ZNF532: variants seen among roughly 807,000 people sequenced by gnomAD.
ZNF532 encodes zinc finger protein 532.
ZNF532 carries 22 observed loss-of-function variants against 89.3 expected under a neutral mutation model. The ratio of observed to expected loss-of-function variants is 0.25; its 90% CI spans 0.18 to 0.35. The LOEUF is 0.35. Among genes scored for constraint, ZNF532 ranks in the 10% least tolerant of loss-of-function variants. The pLI is 1.00. For missense variants in ZNF532, 1,132 were observed against 1,643.4 expected (o/e 0.69, Z 5.38); for synonymous variants, 606 against 649.6 (o/e 0.93, Z 1.02).
At chr18:58,867,219 G>A (rs960260111) in intron 2 of ZNF532, among the ~76,000 whole-genome samples, 3 of 151,828 alleles carry the variant, frequency 2.0e-5, no homozygotes, top group Admixed American at 6.6e-5. Context: ...TATACAGTGC[G>A]AATATGTTTT....
chr18:58,934,359 G>A, intron 3 of ZNF532, 74 bp from the exon 4 acceptor site: 1 of 1,385,794 alleles, frequency 7.2e-7, no homozygotes, highest in Non-Finnish European at 1.0e-6. Context: ...TTATCTGGAG[G>A]TTTAACCAAG....
chr18:58,941,990 C>CCCTTCCTTCCTTCCTTCCTTCCTT (rs74175864), intron 5 of ZNF532, among the ~76,000 whole-genome samples: 1 of 125,658 alleles, frequency 8.0e-6, no homozygotes, highest in Non-Finnish European at 1.7e-5. Context: ...TTCCCTCCTT[C>CCCTTCCTTCCTTCCTTCCTTCCTT]CCTTCCTTCC....
At chr18:58,964,535 T>TTGTGTGTGTGTGTGTG (rs200298951) in intron 7 of ZNF532, among the ~76,000 whole-genome samples, 1 of 138,554 alleles carries the variant, frequency 7.2e-6, no homozygotes, top group African/African-American at 2.7e-5. Context: ...GATATTTTGT[T>TTGTGTGTGTGTGTGTG]TGTGTGTGTG....
intron 4 of ZNF532, among the ~76,000 whole-genome samples, chr18:58,938,299 T>C (rs994124461): frequency 6.6e-6 from 1 of 152,220 alleles, no homozygotes; most frequent in African/African-American, 2.4e-5. Context: ...TTAAATAGTT[T>C]TCAGGTGTGA....
chr18:58,984,219 G>A lies in ZNF532; in HGVS notation c.3659G>A (p.Arg1220Lys), dbSNP rs774476431. 2 of 1,611,882 alleles carry A rather than the reference G, an allele frequency of 1.2e-6. No individual in the cohort carries two copies. The highest frequency in any genetic ancestry group is 4.5e-5 in the East Asian group (2 of 44,862). Reference protein sequence around the residue: ...LCYTSHVSLSRHLFIVHKLKE... With the variant: ...LCYTSHVSLSKHLFIVHKLKE... ...TACACGTCTCACGTCTCTCTGTCCA[G>A]GCACCTCTTCATCGTACACAAGTTA... Residue 1220 changes from arginine to lysine, a missense_variant, in exon 10 of 10, where the codon AGG (arginine) becomes AAG (lysine). This residue lies in a region of ZNF532 where 415 missense variants were observed against 604.8 expected (regional missense o/e 0.69). Transcript: ENST00000591808.
At chr18:58,933,012 C>T (rs2062086279) in intron 3 of ZNF532, among the ~76,000 whole-genome samples, 1 of 152,014 alleles carries the variant, frequency 6.6e-6, no homozygotes, top group Non-Finnish European at 1.5e-5. Flanking sequence ...CATCATAATT[C>T]CCTGCCTGGG....
intron 2 of ZNF532, among the ~76,000 whole-genome samples, chr18:58,880,756 G>A (rs1052214553): frequency 1.5e-5 from 2 of 133,008 alleles, no homozygotes; most frequent in African/African-American, 6.1e-5. Context: ...TCATAGGCGC[G>A]CGCGCACGCG....
intron 2 of ZNF532, among the ~76,000 whole-genome samples, chr18:58,877,314 G>A (rs2057512058): frequency 6.6e-6 from 1 of 152,178 alleles, no homozygotes; most frequent in Non-Finnish European, 1.5e-5. Flanking sequence ...GTCCTTGGGT[G>A]AAGCTGTCCT....
At chr18:58,941,219 C>T (rs746242134) in intron 5 of ZNF532, among the ~76,000 whole-genome samples, 52 of 152,066 alleles carry the variant, frequency 3.4e-4, no homozygotes, top group Non-Finnish European at 5.6e-4. Flanking sequence ...TTAGTGTCTT[C>T]AGTTTTCAGG....
intron 2 of ZNF532, among the ~76,000 whole-genome samples, chr18:58,908,153 TG>T (rs1388962902): frequency 6.6e-6 from 1 of 152,216 alleles, no homozygotes; most frequent in African/African-American, 2.4e-5. Flanking sequence ...TCCATATCCC[TG>T]GGGTTGAGTG....
At chr18:58,882,620 A>AT (rs1277546715) in intron 2 of ZNF532, among the ~76,000 whole-genome samples, 1 of 151,984 alleles carries the variant, frequency 6.6e-6, no homozygotes, top group Non-Finnish European at 1.5e-5. Context: ...TATTATTTTT[A>AT]TTTTTTGTAG....
intron 2 of ZNF532, among the ~76,000 whole-genome samples, chr18:58,882,655 G>A (rs7241305): frequency 0.43 from 65,051 of 151,916 alleles, 14,519 homozygotes; most frequent in East Asian, 0.63. Context: ...TTTGTTGCTT[G>A]GGCTGGTCTC....
rs184088777 is a variant in ZNF532 at position 58,981,983 on chromosome 18, G to A, written c.3411+366G>A. Among the ~76,000 whole-genome samples, 668 of 130,032 alleles carry A rather than the reference G, an allele frequency of 5.1e-3. 2 individuals are homozygous for A. Among genetic ancestry groups the A allele is most frequent in the African/African-American group, 0.019 (628 of 32,694 alleles). The allele number at this position is 130,032 out of a possible 152,430, so 85.3% of individuals were successfully genotyped here. A position where few individuals can be genotyped will look rare whatever the true frequency, so the allele number is the denominator to read the frequency against. On this transcript the variant is annotated intron_variant, in intron 9 of 9. Transcript: ENST00000591808. ...CATGCCACTGCACTCTAGCCCAGGC[G>A]ACAGTGCGAGACTCTCCCAAAAAAA...
chr18:58,920,487 A>G lies in ZNF532; in HGVS notation c.2200A>G (p.Thr734Ala). 6.2e-7 allele frequency: 1 copy of G among 1,613,808 alleles called. No individual in the cohort carries two copies. Among genetic ancestry groups the G allele is most frequent in the Non-Finnish European group, 8.5e-7 (1 of 1,179,824 alleles). The change falls in exon 3 of 10, where the codon ACT becomes GCT. Residue 734 changes from threonine to alanine, a missense_variant. Around this residue, in one of 9 missense-constraint regions of ZNF532, gnomAD observed 100 missense variants for 122.0 expected, o/e 0.82. Transcript: ENST00000591808. Reference sequence around the variant, plus strand: ...GACAGTCATATCGGCTCCTTCAAGCACTCCCATCACCCCAGCCATGCCCCT... The same window carrying G: ...GACAGTCATATCGGCTCCTTCAAGCGCTCCCATCACCCCAGCCATGCCCCT... ...TGTVISAPSS[T>A]PITPAMPLDE...
At chr18:58,900,579 C>T (rs1352042653) in intron 2 of ZNF532, among the ~76,000 whole-genome samples, 9 of 152,316 alleles carry the variant, frequency 5.9e-5, no homozygotes, top group Admixed American at 5.2e-4. Flanking sequence ...TGGCAGCCTC[C>T]TACCAGACCT....
At chr18:58,895,857 C>CTTTT (rs145464064) in intron 2 of ZNF532, among the ~76,000 whole-genome samples, 1 of 144,008 alleles carries the variant, frequency 6.9e-6, no homozygotes. Flanking sequence ...TTCTTTCTTT[C>CTTTT]TTTTTTTTTT....
intron 7 of ZNF532, among the ~76,000 whole-genome samples, chr18:58,966,651 AAC>A (rs2065935677): frequency 6.6e-6 from 1 of 152,210 alleles, no homozygotes; most frequent in African/African-American, 2.4e-5. Flanking sequence ...AAGAAAGACT[AAC>A]ACGTTATTTT....
intron 7 of ZNF532, among the ~76,000 whole-genome samples, chr18:58,961,850 G>A (rs1328206043): frequency 6.6e-6 from 1 of 152,224 alleles, no homozygotes; most frequent in Non-Finnish European, 1.5e-5. Flanking sequence ...GGCCATGCAT[G>A]AGTGAAATGT....
intron 8 of ZNF532, chr18:58,979,934 T>C: frequency 6.6e-6 from 1 of 152,270 alleles, no homozygotes; most frequent in Non-Finnish European, 1.5e-5. Flanking sequence ...CATAAGCTGC[T>C]GCTTCATACG....
Sources: allele counts gnomAD v4.1 joint callset (sites outside exome capture counted in the v4.1 genomes callset), GRCh38; gene constraint gnomAD v4.1.1; regional missense constraint gnomAD v4.1.1; transcripts MANE v1.5; gene names NCBI Gene and HGNC (gene_info 2026-07-23, HGNC 2026-07-21).